Variants in TSGA10 observed in about 807,000 individuals in gnomAD.
TSGA10 encodes the protein testis specific 10.
A neutral mutation model predicts 96.6 loss-of-function variants in TSGA10; 43 were observed. The ratio of observed to expected loss-of-function variants is 0.44; its 90% CI spans 0.35 to 0.57. TSGA10 has a LOEUF of 0.57. TSGA10 is among the 20% of genes least tolerant of loss of function. The pLI, the probability that TSGA10 is intolerant of heterozygous loss-of-function variation, is 0.01. For synonymous variants in TSGA10, 229 were observed against 269.9 expected, an observed-to-expected ratio of 0.85 and a Z score of 1.48; for missense variants, 703 against 834.4, an observed-to-expected ratio of 0.84 and a Z score of 1.94.
intron 20 of TSGA10, among the ~76,000 whole-genome samples, chr2:99,005,143 C>G (rs2078343792): frequency 6.6e-6 from 1 of 152,144 alleles, no homozygotes; most frequent in Non-Finnish European, 1.5e-5. Flanking sequence ...GGACGTATCT[C>G]AAAATAATAA....
At chr2:99,085,300 A>C (rs1278929891) in intron 10 of TSGA10, among the ~76,000 whole-genome samples, 1 of 151,844 alleles carries the variant, frequency 6.6e-6, no homozygotes, top group Non-Finnish European at 1.5e-5. Context: ...TAATTAGCCC[A>C]AAAAAATTTA....
chr2:99,147,152 T>C, intron 1 of TSGA10: 1 of 279,218 alleles, frequency 3.6e-6, no homozygotes. Context: ...CTTTGTGGCA[T>C]ATCTTTTTGT....
intron 20 of TSGA10, among the ~76,000 whole-genome samples, chr2:99,017,764 C>CA (rs1252515584): frequency 0.033 from 2,173 of 66,228 alleles, 20 homozygotes; most frequent in Middle Eastern, 0.073. Flanking sequence ...GACTCCGTCT[C>CA]AAAAAAAAAA....
chr2:99,037,629 G>A (rs539330438), intron 16 of TSGA10, among the ~76,000 whole-genome samples: 9 of 151,920 alleles, frequency 5.9e-5, no homozygotes, highest in African/African-American at 1.2e-4. Context: ...CAGGTGGATC[G>A]CCTGAGGCCA....
chr2:99,110,000 T>G (rs1162176117), intron 5 of TSGA10, among the ~76,000 whole-genome samples: 1 of 151,818 alleles, frequency 6.6e-6, no homozygotes, highest in Non-Finnish European at 1.5e-5. Context: ...CTGTCTCTAC[T>G]AAAAATACAA....
In TSGA10 at chr2:99,049,541, G is replaced by A. The variant is rs1050924302; in HGVS notation, c.1405-14102C>T. ...TGGGAGTTCAACAATGAGAACACCG[G>A]GACACAGGGAGGGGAACATCACACA... On this transcript the variant is annotated intron_variant, in intron 16 of 20. Transcript: ENST00000393483. Among the ~76,000 whole-genome samples, 11 of 151,932 alleles carry A rather than the reference G, an allele frequency of 7.2e-5. No homozygotes were observed. In the South Asian group the frequency reaches 1.0e-3, roughly 14 times the overall value.
intron 1 of TSGA10, among the ~76,000 whole-genome samples, chr2:99,135,945 G>A (rs937552012): frequency 6.7e-6 from 1 of 150,012 alleles, no homozygotes; most frequent in African/African-American, 2.5e-5. Flanking sequence ...AGAGGTGGAG[G>A]TTGCAGTGAG....
At chr2:99,002,949 TC>T (rs1351452143) in intron 20 of TSGA10, among the ~76,000 whole-genome samples, 1 of 151,626 alleles carries the variant, frequency 6.6e-6, no homozygotes, top group African/African-American at 2.4e-5. Context: ...AACCTCCACC[TC>T]CCAGGTTCAA....
intron 1 of TSGA10, among the ~76,000 whole-genome samples, chr2:99,130,899 T>C (rs889417078): frequency 3.3e-5 from 5 of 152,206 alleles, no homozygotes; most frequent in African/African-American, 1.2e-4. Context: ...CCATTGCTTG[T>C]TTTTGTCAGG....
chr2:99,073,041 A>G lies in TSGA10; in HGVS notation c.915T>C (p.Ile305=), dbSNP rs754500180. 6.2e-7 allele frequency: 1 copy of G among 1,609,318 alleles called. No individual in the cohort carries two copies. Among genetic ancestry groups the G allele is most frequent in the Non-Finnish European group, 8.5e-7 (1 of 1,176,832 alleles). The change falls in exon 13 of 21, where the codon ATT becomes ATC. Residue 305 remains isoleucine, a synonymous_variant. Transcript: ENST00000393483. ...ACCTTGATGCCTGTTCCATCTCAGC[A>G]ATGATATTCTTCATGCCTGAAATGG... is the stretch of plus-strand genomic sequence containing the variant. ...EKTISGMKNI[I]AEMEQASRQC...
chr2:99,152,601 T>C (rs2093703955), intron 1 of TSGA10, among the ~76,000 whole-genome samples: 1 of 152,166 alleles, frequency 6.6e-6, no homozygotes, highest in East Asian at 1.9e-4. Flanking sequence ...TGAAAGCAAG[T>C]TGATTAAGAA....
chr2:99,147,300 C>T (rs1352944068), intron 1 of TSGA10: 8 of 615,618 alleles, frequency 1.3e-5, no homozygotes, highest in Admixed American at 1.1e-4. Context: ...TGTGCCCAGC[C>T]GCGTAGCCTA....
intron 1 of TSGA10, chr2:99,141,936 C>G (rs1312928818): frequency 2.0e-5 from 3 of 152,562 alleles, no homozygotes; most frequent in African/African-American, 7.2e-5. Context: ...CGGCCTGTCC[C>G]GGTGAGCGTG....
intron 18 of TSGA10, among the ~76,000 whole-genome samples, chr2:99,019,293 T>C (rs2104943831): frequency 6.6e-6 from 1 of 152,334 alleles, no homozygotes; most frequent in African/African-American, 2.4e-5. Context: ...CTCATGCTAA[T>C]TCTAAGTGTT....
intron 1 of TSGA10, among the ~76,000 whole-genome samples, chr2:99,129,660 CA>C (rs2092984771): frequency 6.6e-6 from 1 of 152,216 alleles, no homozygotes; most frequent in Non-Finnish European, 1.5e-5. Flanking sequence ...TAAATATCCT[CA>C]ACCTTGCTGC....
chr2:99,008,258 C>T (rs2078677243), intron 20 of TSGA10, among the ~76,000 whole-genome samples: 1 of 151,758 alleles, frequency 6.6e-6, no homozygotes, highest in Non-Finnish European at 1.5e-5. Flanking sequence ...GATTAAAAGA[C>T]AAATGACAAA....
At chr2:99,153,528 G>A (rs2093714351) in intron 1 of TSGA10, among the ~76,000 whole-genome samples, 1 of 152,126 alleles carries the variant, frequency 6.6e-6, no homozygotes, top group Non-Finnish European at 1.5e-5. Flanking sequence ...AGGGAGGAGG[G>A]AATGGGATTC....
intron 10 of TSGA10, among the ~76,000 whole-genome samples, chr2:99,097,039 T>C (rs1044434023): frequency 6.6e-6 from 1 of 152,060 alleles, no homozygotes; most frequent in Admixed American, 6.6e-5. Context: ...AATTTACCTA[T>C]GGTAATAAGT....
chr2:99,105,494 A>C, intron 8 of TSGA10, 33 bp downstream of exon 8: 2 of 1,613,814 alleles, frequency 1.2e-6, no homozygotes, highest in Non-Finnish European at 1.7e-6. Flanking sequence ...TTTGTGTTTC[A>C]CATATATTCA....
Sources: gnomAD v4.1 joint callset for allele counts (sites outside exome capture counted in the v4.1 genomes callset) on GRCh38, gnomAD v4.1.1 for gene constraint, MANE v1.5 for transcripts, NCBI Gene and HGNC (gene_info 2026-07-23, HGNC 2026-07-21) for gene names.